The following ATP2B2 variants were observed in gnomAD, a reference collection of about 807,000 sequenced individuals.
The protein encoded by ATP2B2 is plasma membrane calcium-transporting ATPase 2.
Under a neutral mutation model 120.0 loss-of-function variants are expected in ATP2B2, and 15 were observed. The observed-to-expected ratio is 0.12, with a 90% CI of 0.08 to 0.19. The LOEUF (loss-of-function observed/expected upper bound fraction) is 0.19. ATP2B2 is among the 10% of genes least tolerant of loss of function. The pLI is 1.00. For synonymous variants in ATP2B2, 694 were observed against 700.3 expected (o/e 0.99, Z 0.14); for missense variants, 1,045 against 1,719.8 (o/e 0.61, Z 6.94).
chr3:10,497,681 C>T (rs2066209714), intron 1 of ATP2B2, among the ~76,000 whole-genome samples: 1 of 152,204 alleles, frequency 6.6e-6, no homozygotes, highest in African/African-American at 2.4e-5. Context: ...AATGGTGGAG[C>T]AGGAATTAGA....
intron 2 of ATP2B2, among the ~76,000 whole-genome samples, chr3:10,601,415 C>T (rs1027539692): frequency 3.3e-5 from 5 of 152,150 alleles, no homozygotes; most frequent in Non-Finnish European, 5.9e-5. Flanking sequence ...GGGAGGGAGG[C>T]CTTGCCTGAG....
intron 2 of ATP2B2, among the ~76,000 whole-genome samples, chr3:10,613,041 G>A (rs949607860): frequency 5.9e-5 from 9 of 152,172 alleles, no homozygotes; most frequent in South Asian, 2.1e-4. Context: ...GGCCTCCACC[G>A]AGGGGAGGGG....
At chr3:10,574,409 T>C (rs1209986405) in intron 2 of ATP2B2, among the ~76,000 whole-genome samples, 2 of 152,176 alleles carry the variant, frequency 1.3e-5, no homozygotes, top group African/African-American at 2.4e-5. Flanking sequence ...CAGAATCATC[T>C]GGTCCTCTGC....
chr3:10,583,755 G>A (rs67993953), intron 2 of ATP2B2, among the ~76,000 whole-genome samples: 35,685 of 152,098 alleles, frequency 0.23, 4,886 homozygotes, highest in East Asian at 0.49. Context: ...TGGTGGGTTC[G>A]GACTGACCTG....
intron 3 of ATP2B2, among the ~76,000 whole-genome samples, chr3:10,524,802 C>A (rs1388918760): frequency 6.6e-6 from 1 of 152,130 alleles, no homozygotes; most frequent in Non-Finnish European, 1.5e-5. Flanking sequence ...CAGGGTTTGA[C>A]CCTGGCCATC....
intron 1 of ATP2B2, among the ~76,000 whole-genome samples, chr3:10,687,675 A>T (rs1446961535): frequency 1.3e-5 from 2 of 152,334 alleles, no homozygotes; most frequent in East Asian, 3.9e-4. Flanking sequence ...AGCCTGGCCA[A>T]GATGGTGAAA....
chr3:10,654,582 AT>A (rs1240696423), intron 1 of ATP2B2, among the ~76,000 whole-genome samples: 1 of 152,056 alleles, frequency 6.6e-6, no homozygotes, highest in East Asian at 1.9e-4. Flanking sequence ...GGAAGAGGGG[AT>A]TCCAAAAAGC....
intron 2 of ATP2B2, among the ~76,000 whole-genome samples, chr3:10,588,421 T>C (rs2068565117): frequency 6.6e-6 from 1 of 152,192 alleles, no homozygotes; most frequent in Non-Finnish European, 1.5e-5. Context: ...CCAATATTTG[T>C]GAACCCCTTC....
intron 3 of ATP2B2, among the ~76,000 whole-genome samples, chr3:10,518,467 A>G (rs997410532): frequency 1.3e-5 from 2 of 152,088 alleles, no homozygotes; most frequent in Non-Finnish European, 2.9e-5. Context: ...CATTCCTGGG[A>G]ATCTGCCCTT....
chr3:10,659,014 G>T (rs368872274), intron 1 of ATP2B2, among the ~76,000 whole-genome samples: 2 of 152,082 alleles, frequency 1.3e-5, no homozygotes, highest in African/African-American at 4.8e-5. Context: ...AGTGAAGGAG[G>T]AATAAAATCC....
chr3:10,439,352 C>T (rs563386639), intron 2 of ATP2B2, among the ~76,000 whole-genome samples: 3 of 152,232 alleles, frequency 2.0e-5, no homozygotes, highest in African/African-American at 7.2e-5. Flanking sequence ...GGGTCTCAGT[C>T]GATAAGGGCC....
intron 1 of ATP2B2, among the ~76,000 whole-genome samples, chr3:10,627,112 G>A (rs1466294844): frequency 3.9e-5 from 6 of 152,210 alleles, no homozygotes; most frequent in Admixed American, 3.9e-4. Context: ...CCAGCATCCT[G>A]TGGCTCCTTT....
In ATP2B2 at chr3:10,443,218, C is replaced by G. The variant is rs147521187; in HGVS notation, c.199+6127G>C. 8.5e-3 allele frequency among the ~76,000 whole-genome samples: 1,292 copies of G among 152,318 alleles called. 7 individuals are homozygous for G. Among genetic ancestry groups the G allele is most frequent in the Middle Eastern group, 0.031 (9 of 294 alleles). On this transcript the variant is annotated intron_variant, in intron 2 of 22. Transcript: ENST00000360273. ...TTTCTCCCAATCCAGGCCATGCTCT[C>G]CTCAAGAGCAGGGAACCTTTCTGAT...
intron 2 of ATP2B2, among the ~76,000 whole-genome samples, chr3:10,537,449 G>A (rs1167081208): frequency 6.6e-6 from 1 of 152,048 alleles, no homozygotes. Context: ...TTGAGTGATT[G>A]TAAATGGCAT....
chr3:10,580,093 C>A (rs763657916), intron 2 of ATP2B2, among the ~76,000 whole-genome samples: 1 of 152,168 alleles, frequency 6.6e-6, no homozygotes, highest in Non-Finnish European at 1.5e-5. Context: ...CCTACATCAA[C>A]AGGGGGAGTG....
chr3:10,329,038 G>A lies in ATP2B2; in HGVS notation c.3508C>T (p.His1170Tyr), dbSNP rs1220151933. ...SRTSIHNFMA[H>Y]PEFRIEDSQP... ...GAATCTTCGATCCGGAATTCAGGAT[G>A]AGCCATGAAGTTATGGATGGAGGTT... Residue 1170 changes from histidine to tyrosine, a missense_variant, in exon 23 of 23, where the codon CAT (histidine) becomes TAT (tyrosine). Physicochemically the swap from His to Tyr is moderately conservative, Grantham distance 83. This residue lies in a region of ATP2B2 where 211 missense variants were observed against 385.1 expected (regional missense o/e 0.55). Transcript: ENST00000360273. The surrounding 1 kb of genome is among the most constrained non-coding windows in gnomAD (Gnocchi z 5.9). 6.2e-7 allele frequency: 1 copy of A among 1,614,068 alleles called. No individual in the cohort carries two copies. Among genetic ancestry groups the A allele is most frequent in the Non-Finnish European group, 8.5e-7 (1 of 1,180,034 alleles).
chr3:10,703,433 C>CTAT (rs138022631), intron 1 of ATP2B2, among the ~76,000 whole-genome samples: 1,531 of 152,304 alleles, frequency 0.01, 25 homozygotes, highest in African/African-American at 0.035. Context: ...AACTTTGCTT[C>CTAT]TATTCTATTA....
At chr3:10,412,057 C>T (rs572946096) in intron 2 of ATP2B2, among the ~76,000 whole-genome samples, 7 of 152,248 alleles carry the variant, frequency 4.6e-5, no homozygotes, top group Non-Finnish European at 8.8e-5. Flanking sequence ...TCTTCTGACC[C>T]GCAACCTGTG....
chr3:10,673,993 TA>T lies in ATP2B2; in HGVS notation c.-460+33921del, dbSNP rs772373957. 4.5e-3 allele frequency among the ~76,000 whole-genome samples: 629 copies of T among 140,568 alleles called. 1 individual carries two copies. The highest frequency in any genetic ancestry group is 0.025 in the East Asian group (123 of 4,900). 92.2% of individuals were successfully genotyped at this position (140,568 alleles called of 152,430 possible). A position where few individuals can be genotyped will look rare whatever the true frequency, so the allele number is the denominator to read the frequency against. On this transcript the variant is annotated intron_variant, in intron 1 of 21. Transcript: ENST00000646379. ...TTCCATAATAAGAAAAGTGGTTTTATAAAAAAAAAAAAGAAGCCAATATTAA... is the reference window on the plus strand; with the variant it reads ...TTCCATAATAAGAAAAGTGGTTTTATAAAAAAAAAAAGAAGCCAATATTAA...
Sources: allele counts gnomAD v4.1 joint callset (sites outside exome capture counted in the v4.1 genomes callset), GRCh38; gene constraint gnomAD v4.1.1; regional missense constraint gnomAD v4.1.1; non-coding constraint Gnocchi (gnomAD v3.1); transcripts MANE v1.5; gene names NCBI Gene and HGNC (gene_info 2026-07-23, HGNC 2026-07-21).